SLC16A7: variants seen among roughly 807,000 people sequenced by gnomAD.
SLC16A7 encodes the protein monocarboxylate transporter 2.
Under a neutral mutation model 34.9 loss-of-function variants are expected in SLC16A7, and 33 were observed. That is an observed-to-expected ratio of 0.94 (90% CI 0.72 to 1.26). SLC16A7 has a LOEUF of 1.26. Ranked by LOEUF, SLC16A7 falls within the 50% of genes most tolerant of loss-of-function variation. The pLI, the probability that SLC16A7 is intolerant of heterozygous loss-of-function variation, is 0.00. For synonymous variants in SLC16A7, 201 were observed against 206.6 expected (o/e 0.97, Z 0.23); for missense variants, 573 against 578.1 (o/e 0.99, Z 0.09).
chr12:59,627,246 T>A lies in SLC16A7; in HGVS notation c.-129-27906T>A, dbSNP rs181581649. On this transcript the variant is annotated intron_variant, in intron 1 of 5. Coordinates refer to ENST00000547379, the MANE Select transcript of SLC16A7 (RefSeq NM_001270623.2). ...TAATTTCCTGTGGCATTATGTCACATCCTCAATGATGAAAAAAATCCATTA... is the reference window on the plus strand; with the variant it reads ...TAATTTCCTGTGGCATTATGTCACAACCTCAATGATGAAAAAAATCCATTA... Among the ~76,000 whole-genome samples the A allele has an allele frequency of 3.9e-5, 6 of 151,984 alleles. No individual in the cohort carries two copies. The East Asian group carries it at 9.7e-4, about 25-fold the overall frequency.
At chr12:59,749,025 G>A (rs566681968) in intron 3 of SLC16A7, among the ~76,000 whole-genome samples, 1 of 152,230 alleles carries the variant, frequency 6.6e-6, no homozygotes, top group African/African-American at 2.4e-5. Flanking sequence ...AGACATCACT[G>A]AAAAAATCAT....
intron 1 of SLC16A7, among the ~76,000 whole-genome samples, chr12:59,598,198 G>C (rs980393150): frequency 1.3e-5 from 2 of 152,220 alleles, no homozygotes; most frequent in African/African-American, 2.4e-5. Context: ...CTTTAGAACA[G>C]ATTGGTTCTG....
chr12:59,742,923 T>G (rs975416611), intron 3 of SLC16A7, among the ~76,000 whole-genome samples: 2 of 152,190 alleles, frequency 1.3e-5, no homozygotes, highest in African/African-American at 4.8e-5. Context: ...TATTGGAAGT[T>G]TAAGAAAGGA....
chr12:59,774,090 CA>C (rs1882497084), intron 4 of SLC16A7, among the ~76,000 whole-genome samples: 1 of 152,140 alleles, frequency 6.6e-6, no homozygotes, highest in Non-Finnish European at 1.5e-5. Context: ...CATCTATATA[CA>C]TTAAATGTGG....
At chr12:59,773,921 T>G (rs1334195736) in intron 4 of SLC16A7, among the ~76,000 whole-genome samples, 5 of 152,224 alleles carry the variant, frequency 3.3e-5, no homozygotes, top group African/African-American at 1.2e-4. Flanking sequence ...AGTGCCTTAG[T>G]GAGCTACAAG....
chr12:59,687,268 C>A (rs1330051638), intron 2 of SLC16A7, among the ~76,000 whole-genome samples: 24 of 151,818 alleles, frequency 1.6e-4, no homozygotes, highest in Admixed American at 1.6e-3. Flanking sequence ...TAACACCTAC[C>A]CCTTTTCCTA....
At chr12:59,649,166 T>G (rs1187407951) in intron 1 of SLC16A7, among the ~76,000 whole-genome samples, 1 of 152,050 alleles carries the variant, frequency 6.6e-6, no homozygotes, top group Non-Finnish European at 1.5e-5. Context: ...GAGAAAACAA[T>G]TTGGAGACAA....
At chr12:59,778,112 A>C (rs1882943191) in intron 5 of SLC16A7, among the ~76,000 whole-genome samples, 1 of 152,092 alleles carries the variant, frequency 6.6e-6, no homozygotes. Context: ...GCAATAAAAA[A>C]TTCTTAAAAC....
rs897172011 is a variant in SLC16A7, at chr12:59,756,158, A to T, written c.218-15061A>T. On this transcript the variant is annotated intron_variant, in intron 3 of 5. Transcript: ENST00000547379. ...AGACCTAAAACCATAAAAAGCCTAG[A>T]AGAAAATCTAGGCATTACCATTCAG... is the stretch of plus-strand genomic sequence containing the variant. Among the ~76,000 whole-genome samples, 9 of 152,338 alleles carry T rather than the reference A, an allele frequency of 5.9e-5. No individual in the cohort carries two copies. The South Asian group carries it at 1.5e-3, about 25-fold the overall frequency.
intron 2 of SLC16A7, among the ~76,000 whole-genome samples, chr12:59,660,825 C>A (rs1342267973): frequency 1.3e-5 from 2 of 152,054 alleles, no homozygotes; most frequent in Admixed American, 6.6e-5. Flanking sequence ...GGATCTCATA[C>A]CCTGTGAGAT....
chr12:59,664,948 C>G (rs1869072722), intron 2 of SLC16A7: 1 of 152,072 alleles, frequency 6.6e-6, no homozygotes, highest in South Asian at 2.1e-4. Flanking sequence ...ATTCAGGTAA[C>G]TTTAAAAATT....
chr12:59,740,666 T>C (rs1356054097), intron 3 of SLC16A7, among the ~76,000 whole-genome samples: 1 of 151,060 alleles, frequency 6.6e-6, no homozygotes, highest in Admixed American at 6.6e-5. Context: ...AGGGATGCCC[T>C]CTCTCACCAC....
intron 3 of SLC16A7, chr12:59,733,815 C>T (rs1479165012): frequency 4.4e-6 from 2 of 455,884 alleles, no homozygotes; most frequent in Non-Finnish European, 8.8e-6. Flanking sequence ...AACAAAACAA[C>T]TCTTAGGAGA....
In SLC16A7 at chr12:59,779,509, A is replaced by G. The variant is rs1883077664; in HGVS notation, c.1267A>G (p.Ile423Val). 6.2e-7 allele frequency: 1 copy of G among 1,612,684 alleles called. No homozygotes were observed. The highest frequency in any genetic ancestry group is 8.5e-7 in the Non-Finnish European group (1 of 1,178,982). The change falls in exon 6 of 6, where the codon ATT becomes GTT. Residue 423 changes from isoleucine (I) to valine (V), a missense_variant. By Grantham distance (29) the Ile-to-Val change is conservative (BLOSUM62 3). Coordinates refer to ENST00000547379, the MANE Select transcript of SLC16A7 (RefSeq NM_001270623.2). ...IVVAASVWLL[I>V]GNAINYRLLA... The stretch of plus-strand genomic sequence containing the variant: ...GGTAGCAGCAAGCGTGTGGCTGCTC[A>G]TTGGCAATGCTATCAACTATAGATT...
At chr12:59,722,254 A>C (rs1415914070) in intron 3 of SLC16A7, among the ~76,000 whole-genome samples, 4 of 151,920 alleles carry the variant, frequency 2.6e-5, no homozygotes, top group Non-Finnish European at 4.4e-5. Context: ...CAGCTGCATA[A>C]CTTTCTATTA....
At chr12:59,600,316 G>T (rs776218232) in intron 1 of SLC16A7, among the ~76,000 whole-genome samples, 1 of 152,198 alleles carries the variant, frequency 6.6e-6, no homozygotes, top group Admixed American at 6.5e-5. Context: ...GCACAACAAA[G>T]TTGAATTGCA....
At chr12:59,617,161 CTG>C (rs1879491026) in intron 1 of SLC16A7, among the ~76,000 whole-genome samples, 1 of 151,944 alleles carries the variant, frequency 6.6e-6, no homozygotes, top group Non-Finnish European at 1.5e-5. Context: ...CTGCTCTATT[CTG>C]TGAGTCTTTA....
At position 59,728,693 on chromosome 12, in the gene SLC16A7, C is replaced by A. The variant is rs555522217; in HGVS notation, c.217+23675C>A. 3.3e-5 allele frequency among the ~76,000 whole-genome samples: 5 copies of A among 152,194 alleles called. No individual in the cohort carries two copies. The East Asian group carries it at 9.7e-4, about 29-fold the overall frequency. ...TAAGCTAAGATTGTGCCACTGCACT[C>A]CAGCCTGGATGACAGAACAAGATCT... is the stretch of plus-strand genomic sequence containing the variant. On this transcript the variant is annotated intron_variant, in intron 3 of 5. Coordinates refer to ENST00000547379, the MANE Select transcript of SLC16A7 (RefSeq NM_001270623.2).
At chr12:59,642,846 C>T (rs1880744651) in intron 1 of SLC16A7, among the ~76,000 whole-genome samples, 1 of 152,006 alleles carries the variant, frequency 6.6e-6, no homozygotes, top group Admixed American at 6.6e-5. Context: ...GGAAATTGTA[C>T]ACAGAGTAAA....
Sources: gnomAD v4.1 joint callset for allele counts (sites outside exome capture counted in the v4.1 genomes callset) on GRCh38, gnomAD v4.1.1 for gene constraint, MANE v1.5 for transcripts, NCBI Gene and HGNC (gene_info 2026-07-23, HGNC 2026-07-21) for gene names.